The following CHKA variants were observed in gnomAD, a reference collection of about 807,000 sequenced individuals.
CHKA encodes CHETK-alpha.
In CHKA, 34 loss-of-function variants were observed where a neutral mutation model predicts 60.1. The ratio of observed to expected loss-of-function variants is 0.57; its 90% CI spans 0.43 to 0.75. The LOEUF (loss-of-function observed/expected upper bound fraction) is 0.75. CHKA is among the 30% of genes least tolerant of loss of function. The pLI, the probability that CHKA is intolerant of heterozygous loss-of-function variation, is 0.00. For synonymous variants in CHKA, 217 were observed against 223.1 expected, an observed-to-expected ratio of 0.97 and a Z score of 0.24; for missense variants, 563 against 561.3, an observed-to-expected ratio of 1.00 and a Z score of -0.03.
At position 68,101,195 on chromosome 11, in the gene CHKA, G is replaced by A. The variant is rs375216043; in HGVS notation, c.351-4065C>T. 5.8e-4 allele frequency among the ~76,000 whole-genome samples: 88 copies of A among 152,074 alleles called. No individual in the cohort carries two copies. The South Asian group carries it at 8.3e-3, about 14-fold the overall frequency. ...GATCTCCTGACCTCATGATCTACCT[G>A]TCTCAGCCCCCCAAAGTGCTGGGAT... On this transcript the variant is annotated intron_variant, in intron 1 of 11. Coordinates refer to ENST00000265689, the MANE Select transcript of CHKA (RefSeq NM_001277.3).
chr11:68,109,483 C>T (rs748346640), intron 1 of CHKA, among the ~76,000 whole-genome samples: 1 of 152,138 alleles, frequency 6.6e-6, no homozygotes, highest in African/African-American at 2.4e-5. Flanking sequence ...TTGGGATTTT[C>T]TCAGAGCCTA....
chr11:68,081,534 C>A, intron 2 of CHKA, 77 bp from the exon 3 acceptor site: 1 of 1,171,842 alleles, frequency 8.5e-7, no homozygotes. Flanking sequence ...ACCACCAGAA[C>A]AGTCAGGGTT....
chr11:68,071,523 G>A (rs1055407486), intron 4 of CHKA, among the ~76,000 whole-genome samples: 1 of 152,238 alleles, frequency 6.6e-6, no homozygotes, highest in African/African-American at 2.4e-5. Context: ...GGAGGCCCAT[G>A]GGAGCTCACA....
intron 1 of CHKA, among the ~76,000 whole-genome samples, chr11:68,098,453 C>T (rs1156271587): frequency 2.6e-5 from 4 of 151,970 alleles, no homozygotes; most frequent in Non-Finnish European, 5.9e-5. Flanking sequence ...AAACTGAAAA[C>T]AGATTCTGAT....
intron 9 of CHKA, among the ~76,000 whole-genome samples, chr11:68,065,170 T>C (rs997005077): frequency 1.3e-5 from 2 of 151,984 alleles, no homozygotes; most frequent in Non-Finnish European, 2.9e-5. Context: ...GTGAAATGAA[T>C]AGAAAAAGGT....
rs775068715 is a variant in CHKA at position 68,070,744 on chromosome 11, C to G, written c.744G>C (p.Trp248Cys). 6.2e-7 allele frequency: 1 copy of G among 1,611,382 alleles called. No homozygotes were observed. ...MKMPFNKEPK[W>C]LFGTMEKYLK... The stretch of plus-strand genomic sequence containing the variant: ...CTTACTTTTCCATTGTGCCAAAAAG[C>G]CATTTTGGTTCCTTATTGAATGGCA... The change falls in exon 5 of 12, where the codon TGG (tryptophan) becomes TGC (cysteine). Residue 248 changes from tryptophan (W) to cysteine (C), a missense_variant. Coordinates refer to ENST00000265689, the MANE Select transcript of CHKA (RefSeq NM_001277.3).
At chr11:68,097,227 A>C in intron 1 of CHKA, 97 bp from the exon 2 acceptor site, 1 of 808,856 alleles carries the variant, frequency 1.2e-6, no homozygotes, top group South Asian at 1.8e-5. Context: ...TTACACAAGA[A>C]CTGTTCTCAT....
chr11:68,055,778 CTCATGCCTGTAA>C (rs997411286), intron 11 of CHKA, among the ~76,000 whole-genome samples: 2 of 152,130 alleles, frequency 1.3e-5, no homozygotes, highest in African/African-American at 4.8e-5. Flanking sequence ...GGCGCGGTGG[CTCATGCCTGTAA>C]TCCTAGCACT....
At chr11:68,074,049 C>A (rs1856706669) in intron 4 of CHKA, among the ~76,000 whole-genome samples, 1 of 151,992 alleles carries the variant, frequency 6.6e-6, no homozygotes, top group South Asian at 2.1e-4. Flanking sequence ...TTGTGCAGGG[C>A]ATGGAGTCAG....
chr11:68,070,862 A>G lies in CHKA; in HGVS notation c.631-5T>C. The G allele has an allele frequency of 1.2e-6, 2 of 1,606,202 alleles. No individual in the cohort carries two copies. Among genetic ancestry groups the G allele is most frequent in the Non-Finnish European group, 1.7e-6 (2 of 1,174,416 alleles). On this transcript the variant is annotated splice_polypyrimidine_tract_variant and splice_region_variant and intron_variant, in intron 4 of 11. Coordinates refer to ENST00000265689, the MANE Select transcript of CHKA (RefSeq NM_001277.3). Reference sequence around the variant, plus strand: ...TTCAGTATCTAATCGCCGGCTCTGAAAAAGAAAAGGGAGTTAAAAACTGAC... The same window carrying G: ...TTCAGTATCTAATCGCCGGCTCTGAGAAAGAAAAGGGAGTTAAAAACTGAC...
chr11:68,067,923 G>A (rs953776808), intron 7 of CHKA, among the ~76,000 whole-genome samples: 3 of 152,194 alleles, frequency 2.0e-5, no homozygotes, highest in Admixed American at 6.5e-5. Context: ...GCAAACTGCT[G>A]AGCCTGGCAA....
intron 1 of CHKA, among the ~76,000 whole-genome samples, chr11:68,112,337 ACCT>A (rs1259912145): frequency 2.6e-5 from 4 of 151,768 alleles, no homozygotes; most frequent in Non-Finnish European, 5.9e-5. Flanking sequence ...GCTCACTGCA[ACCT>A]CCGCCTCCCG....
At chr11:68,068,978 G>A (rs753481202) in intron 6 of CHKA, 41 bp from the exon 7 acceptor site, 1 of 1,502,792 alleles carries the variant, frequency 6.7e-7, no homozygotes, top group Non-Finnish European at 9.2e-7. Flanking sequence ...ACGCTTCTCA[G>A]TCAGCTGCAC....
chr11:68,076,101 T>G (rs753065552), intron 3 of CHKA, among the ~76,000 whole-genome samples: 1 of 152,216 alleles, frequency 6.6e-6, no homozygotes, highest in Non-Finnish European at 1.5e-5. Context: ...ACTTTTACAT[T>G]TTGTGGGGGT....
intron 8 of CHKA, 80 bp downstream of exon 8, chr11:68,066,349 T>C (rs1856444460): frequency 1.6e-6 from 2 of 1,242,756 alleles, no homozygotes; most frequent in African/African-American, 1.5e-5. Flanking sequence ...TTTGACTTAT[T>C]TTCTCTAATA....
At chr11:68,102,427 C>T (rs1019676126) in intron 1 of CHKA, among the ~76,000 whole-genome samples, 2 of 152,182 alleles carry the variant, frequency 1.3e-5, no homozygotes, top group African/African-American at 4.8e-5. Flanking sequence ...TGATTTTCAA[C>T]AAGTGTCAAG....
rs139378511 is a variant in CHKA at position 68,088,054 on chromosome 11, C to T, written c.463-6597G>A. Among the ~76,000 whole-genome samples the T allele has an allele frequency of 1.9e-3, 264 of 138,670 alleles. 2 individuals are homozygous for T. The highest frequency in any genetic ancestry group is 6.6e-3 in the African/African-American group (245 of 37,068). The allele number at this position is 138,670 out of a possible 152,430, so 91.0% of individuals were successfully genotyped here. ...CTTGAACCTGAGAGGCAGAGGTTGC[C>T]GCGAGCTAAGATCACGCCATTGCAC... On this transcript the variant is annotated intron_variant, in intron 2 of 11. Transcript: ENST00000265689.
intron 4 of CHKA, among the ~76,000 whole-genome samples, chr11:68,072,097 A>G (rs932892111): frequency 6.6e-6 from 1 of 152,246 alleles, no homozygotes; most frequent in East Asian, 1.9e-4. Flanking sequence ...TAACATGCTC[A>G]GATATGAACA....
chr11:68,066,248 G>A (rs1388494854), intron 8 of CHKA, among the ~76,000 whole-genome samples, 181 bp downstream of exon 8: 1 of 152,240 alleles, frequency 6.6e-6, no homozygotes, highest in African/African-American at 2.4e-5. Flanking sequence ...TAGGAACAAA[G>A]AAGGCTGTGC....
Sources: allele counts gnomAD v4.1 joint callset (sites outside exome capture counted in the v4.1 genomes callset), GRCh38; gene constraint gnomAD v4.1.1; transcripts MANE v1.5; gene names NCBI Gene and HGNC (gene_info 2026-07-23, HGNC 2026-07-21).